The following RBMS3 variants were observed in gnomAD, a reference collection of about 807,000 sequenced individuals.
The protein encoded by RBMS3 is RNA-binding motif, single-stranded-interacting protein 3.
RBMS3 carries 27 observed loss-of-function variants against 66.8 expected under a neutral mutation model. The observed-to-expected ratio is 0.40, with a 90% confidence interval of 0.30 to 0.56. The LOEUF is 0.56. Among genes scored for constraint, RBMS3 ranks in the 20% least tolerant of loss-of-function variants. The pLI is 0.40. For missense variants in RBMS3, 513 were observed against 549.5 expected (o/e 0.93, Z 0.66); for synonymous variants, 188 against 183.0 (o/e 1.03, Z -0.22).
intron 6 of RBMS3, among the ~76,000 whole-genome samples, chr3:29,772,982 C>G (rs1469519058): frequency 6.6e-6 from 1 of 151,996 alleles, no homozygotes; most frequent in Non-Finnish European, 1.5e-5. Context: ...CTTAAACTAT[C>G]TGACACCATA....
chr3:29,743,834 T>C (rs2054747529), intron 5 of RBMS3, among the ~76,000 whole-genome samples: 1 of 151,318 alleles, frequency 6.6e-6, no homozygotes, highest in African/African-American at 2.4e-5. Context: ...CATGTTGGTA[T>C]GCTGCACCCA....
At chr3:29,515,944 T>C (rs2044603289) in intron 3 of RBMS3, among the ~76,000 whole-genome samples, 1 of 152,216 alleles carries the variant, frequency 6.6e-6, no homozygotes, top group South Asian at 2.1e-4. Context: ...CCTAGGCACA[T>C]GCCAAAACAG....
chr3:29,414,808 G>T (rs1406749383), intron 1 of RBMS3, among the ~76,000 whole-genome samples: 1 of 152,144 alleles, frequency 6.6e-6, no homozygotes, highest in African/African-American at 2.4e-5. Context: ...AAGCATCGGG[G>T]CATAAATAAA....
At chr3:29,410,232 T>G (rs1007730151) in intron 1 of RBMS3, among the ~76,000 whole-genome samples, 2 of 152,238 alleles carry the variant, frequency 1.3e-5, no homozygotes, top group Non-Finnish European at 2.9e-5. Context: ...GCCTGCAGCC[T>G]GTAACTTAGA....
chr3:29,642,365 T>C (rs770657438), intron 4 of RBMS3, among the ~76,000 whole-genome samples: 1 of 152,120 alleles, frequency 6.6e-6, no homozygotes, highest in Non-Finnish European at 1.5e-5. Context: ...ATTGATCATC[T>C]ATGTTTATTT....
At chr3:29,898,736 C>CAT in intron 9 of RBMS3, among the ~76,000 whole-genome samples, 1 of 142,614 alleles carries the variant, frequency 7.0e-6, no homozygotes, top group East Asian at 2.1e-4. Flanking sequence ...TTGTAATGTG[C>CAT]GTGTGTGTGT....
At chr3:29,780,226 G>A (rs1559663265) in intron 6 of RBMS3, among the ~76,000 whole-genome samples, 1 of 151,746 alleles carries the variant, frequency 6.6e-6, no homozygotes, top group East Asian at 1.9e-4. Context: ...ATGCCCCTGA[G>A]CGCTTTGAAT....
chr3:29,392,228 C>T (rs1253475700), intron 1 of RBMS3, among the ~76,000 whole-genome samples: 1 of 151,962 alleles, frequency 6.6e-6, no homozygotes, highest in Non-Finnish European at 1.5e-5. Flanking sequence ...CCAGCCTGGG[C>T]AACAGAGGGA....
At chr3:29,597,411 G>A (rs2047982246) in intron 4 of RBMS3, among the ~76,000 whole-genome samples, 1 of 152,134 alleles carries the variant, frequency 6.6e-6, no homozygotes, top group Non-Finnish European at 1.5e-5. Flanking sequence ...TTGGACACTT[G>A]TGAGAGCTGT....
intron 12 of RBMS3, among the ~76,000 whole-genome samples, chr3:29,947,666 A>G (rs888811106): frequency 5.3e-5 from 8 of 151,558 alleles, no homozygotes; most frequent in Admixed American, 3.3e-4. Context: ...TTTCTTTTCC[A>G]TAACAACTAT....
At chr3:29,359,488 G>C (rs1017525963) in intron 1 of RBMS3, among the ~76,000 whole-genome samples, 5 of 152,138 alleles carry the variant, frequency 3.3e-5, no homozygotes, top group African/African-American at 4.8e-5. Flanking sequence ...GTTCATCAGG[G>C]GTATTGGTCT....
intron 6 of RBMS3, among the ~76,000 whole-genome samples, chr3:29,784,390 A>C (rs1296541596): frequency 1.3e-5 from 2 of 152,270 alleles, no homozygotes; most frequent in East Asian, 3.9e-4. Context: ...GAACGCTCAA[A>C]ACCATGCAAT....
intron 3 of RBMS3, among the ~76,000 whole-genome samples, chr3:29,536,891 G>C (rs528725522): frequency 3.3e-5 from 5 of 152,104 alleles, no homozygotes; most frequent in Non-Finnish European, 7.4e-5. Flanking sequence ...TAAATGTGTT[G>C]GTCAGTGTGT....
intron 1 of RBMS3, among the ~76,000 whole-genome samples, chr3:29,364,963 C>T (rs548924862): frequency 7.2e-5 from 11 of 152,100 alleles, no homozygotes; most frequent in Non-Finnish European, 1.5e-4. Context: ...ACGTAGTCCT[C>T]CTTTTTCCCA....
chr3:29,907,393 A>G (rs1180766589), intron 10 of RBMS3, among the ~76,000 whole-genome samples: 1 of 151,952 alleles, frequency 6.6e-6, no homozygotes, highest in African/African-American at 2.4e-5. Context: ...GTATCCTTTG[A>G]CTTATTTCTT....
intron 3 of RBMS3, among the ~76,000 whole-genome samples, chr3:29,569,385 T>C (rs540304825): frequency 6.6e-6 from 1 of 152,178 alleles, no homozygotes; most frequent in Non-Finnish European, 1.5e-5. Flanking sequence ...CATACTAATT[T>C]ACAAATTACA....
chr3:29,494,374 C>T (rs935802942), intron 3 of RBMS3, among the ~76,000 whole-genome samples: 3 of 152,140 alleles, frequency 2.0e-5, no homozygotes, highest in South Asian at 2.1e-4. Flanking sequence ...CATAACCTCT[C>T]GTTTTCAAGA....
At chr3:29,633,801 A>G (rs13325570) in intron 4 of RBMS3, among the ~76,000 whole-genome samples, 48,843 of 151,624 alleles carry the variant, frequency 0.32, 8,387 homozygotes, top group African/African-American at 0.44. Context: ...CAATTTCCTT[A>G]ACAGATCAAG....
chr3:29,982,666 A>C (rs1342372617), intron 12 of RBMS3, among the ~76,000 whole-genome samples: 1 of 152,106 alleles, frequency 6.6e-6, no homozygotes, highest in Non-Finnish European at 1.5e-5. Flanking sequence ...TCATTTCATT[A>C]TTTACCCAGT....
Sources: allele counts gnomAD v4.1 joint callset (sites outside exome capture counted in the v4.1 genomes callset), GRCh38; gene constraint gnomAD v4.1.1; transcripts MANE v1.5; gene names NCBI Gene and HGNC (gene_info 2026-07-23, HGNC 2026-07-21).